The following KSR2 variants were observed in gnomAD, a reference collection of about 807,000 sequenced individuals.
KSR2 encodes the protein kinase suppressor of ras 2.
In KSR2, 25 loss-of-function variants were observed where a neutral mutation model predicts 107.8. That is an observed-to-expected ratio of 0.23 (90% confidence interval 0.17 to 0.32). The LOEUF (loss-of-function observed/expected upper bound fraction) is 0.32, where lower values mean the gene tolerates loss of function less well. KSR2 is among the 10% of genes least tolerant of loss of function. KSR2 has a pLI of 1.00. For synonymous variants in KSR2, 480 were observed against 507.0 expected, an observed-to-expected ratio of 0.95 and a Z score of 0.71; for missense variants, 887 against 1,268.9, an observed-to-expected ratio of 0.70 and a Z score of 4.57.
Position 117,617,640 on chromosome 12 carries a change from T to G in KSR2, c.1172-35281A>C, listed in dbSNP as rs144835750. Among the ~76,000 whole-genome samples, 9 of 152,108 alleles carry G rather than the reference T, an allele frequency of 5.9e-5. No homozygotes were observed. In the East Asian group the frequency reaches 1.5e-3, roughly 26 times the overall value. ...GCAATTTATATGAAATTCCAGAAAA[T>G]GTAAAGTAATCTATAGTGATAGAAG... On this transcript the variant is annotated intron_variant, in intron 5 of 19. Transcript: ENST00000339824.
chr12:117,862,334 C>A (rs1235049248), intron 1 of KSR2, among the ~76,000 whole-genome samples: 1 of 151,912 alleles, frequency 6.6e-6, no homozygotes, highest in Non-Finnish European at 1.5e-5. Context: ...CACAGTCAAC[C>A]AACATTTATC....
chr12:117,713,946 G>T (rs1886885266), intron 4 of KSR2, among the ~76,000 whole-genome samples: 1 of 152,172 alleles, frequency 6.6e-6, no homozygotes, highest in Admixed American at 6.5e-5. Flanking sequence ...CACCTGTGAG[G>T]TTTGGGGACT....
At chr12:117,697,471 T>C (rs1168285856) in intron 4 of KSR2, among the ~76,000 whole-genome samples, 6 of 152,204 alleles carry the variant, frequency 3.9e-5, no homozygotes, top group Admixed American at 6.5e-5. Flanking sequence ...TGCCAGGCGC[T>C]GTGGCCCATG....
At chr12:117,515,964 CAG>C (rs1874346747) in intron 14 of KSR2, among the ~76,000 whole-genome samples, 1 of 152,146 alleles carries the variant, frequency 6.6e-6, no homozygotes, top group Non-Finnish European at 1.5e-5. Flanking sequence ...TAGGAGGAGA[CAG>C]AGATGGGAGA....
At chr12:117,793,042 G>A (rs1032231366) in intron 3 of KSR2, among the ~76,000 whole-genome samples, 1 of 124,920 alleles carries the variant, frequency 8.0e-6, no homozygotes, top group African/African-American at 3.2e-5. Context: ...ATGCACACAC[G>A]CTCACATCAA....
At chr12:117,883,485 A>T (rs1402352097) in intron 1 of KSR2, among the ~76,000 whole-genome samples, 4 of 152,136 alleles carry the variant, frequency 2.6e-5, no homozygotes, top group South Asian at 2.1e-4. Context: ...CTTCTATTTG[A>T]TAAGTGCTAT....
intron 5 of KSR2, among the ~76,000 whole-genome samples, chr12:117,631,789 A>G (rs1321329196): frequency 6.6e-6 from 1 of 152,214 alleles, no homozygotes; most frequent in African/African-American, 2.4e-5. Flanking sequence ...ATAATACACA[A>G]AAAGTACTTT....
chr12:117,713,693 T>G lies in KSR2; in HGVS notation c.987-46035A>C, dbSNP rs1186430076. On this transcript the variant is annotated intron_variant, in intron 4 of 19. Transcript: ENST00000339824. Reference sequence around the variant, plus strand: ...ACAGAACAGGACAGGAAAGAAAAAGTCCTTCAAGCCTCCAAAATTCTGTCC... The same window carrying G: ...ACAGAACAGGACAGGAAAGAAAAAGGCCTTCAAGCCTCCAAAATTCTGTCC... Among the ~76,000 whole-genome samples the G allele has an allele frequency of 3.9e-5, 6 of 152,210 alleles. No homozygotes were observed. The East Asian group carries it at 1.2e-3, about 29-fold the overall frequency.
At chr12:117,687,572 G>A (rs1348551528) in intron 4 of KSR2, among the ~76,000 whole-genome samples, 5 of 152,228 alleles carry the variant, frequency 3.3e-5, no homozygotes, top group East Asian at 1.9e-4. Context: ...CTGCTCAGCC[G>A]GACTCAGGCA....
At chr12:117,467,452 G>A (rs1168653085) in intron 19 of KSR2, among the ~76,000 whole-genome samples, 1 of 152,250 alleles carries the variant, frequency 6.6e-6, no homozygotes, top group African/African-American at 2.4e-5. Flanking sequence ...TTTCAAAGAT[G>A]AAAATAATCA....
chr12:117,798,709 C>CAAAAA (rs749755380), intron 3 of KSR2, among the ~76,000 whole-genome samples: 26 of 117,098 alleles, frequency 2.2e-4, no homozygotes, highest in Non-Finnish European at 3.1e-4. Context: ...GCAAAAAGTC[C>CAAAAA]AAAAAAAAAA....
intron 5 of KSR2, among the ~76,000 whole-genome samples, chr12:117,632,218 CTTTTTT>C (rs544594793): frequency 2.4e-5 from 2 of 84,026 alleles, no homozygotes; most frequent in East Asian, 3.6e-4. Flanking sequence ...AGTCCTACTC[CTTTTTT>C]TTTTTTTTTT....
intron 3 of KSR2, among the ~76,000 whole-genome samples, chr12:117,788,012 T>C (rs765012300): frequency 6.6e-6 from 1 of 152,206 alleles, no homozygotes; most frequent in South Asian, 2.1e-4. Flanking sequence ...TCAGACCATG[T>C]CTATGGGATG....
At chr12:117,639,243 T>C (rs1883245769) in intron 5 of KSR2, among the ~76,000 whole-genome samples, 1 of 152,088 alleles carries the variant, frequency 6.6e-6, no homozygotes, top group Admixed American at 6.6e-5. Flanking sequence ...AGTATACATA[T>C]TAATAGATTA....
chr12:117,701,341 C>A (rs1269299237), intron 4 of KSR2, among the ~76,000 whole-genome samples: 1 of 152,188 alleles, frequency 6.6e-6, no homozygotes, highest in Non-Finnish European at 1.5e-5. Context: ...GATCTGCCTG[C>A]CTCAGACTCG....
intron 12 of KSR2, 131 bp downstream of exon 12, chr12:117,530,810 T>C: frequency 1.3e-6 from 1 of 772,512 alleles, no homozygotes; most frequent in South Asian, 1.7e-5. Context: ...CTGACCCCCT[T>C]GTACATCTCC....
At chr12:117,615,737 G>C (rs1881842526) in intron 5 of KSR2, among the ~76,000 whole-genome samples, 1 of 152,184 alleles carries the variant, frequency 6.6e-6, no homozygotes, top group Non-Finnish European at 1.5e-5. Context: ...GCGACATACT[G>C]ACTGGATATG....
intron 4 of KSR2, among the ~76,000 whole-genome samples, chr12:117,713,608 T>C (rs904038049): frequency 6.6e-6 from 1 of 151,684 alleles, no homozygotes; most frequent in Admixed American, 6.5e-5. Flanking sequence ...CCAGCACAGA[T>C]TACTTTTATA....
chr12:117,597,836 T>C (rs79992505), intron 5 of KSR2, among the ~76,000 whole-genome samples: 1,942 of 152,310 alleles, frequency 0.013, 40 homozygotes, highest in African/African-American at 0.044. Context: ...TAAATGGACA[T>C]TTATTTATCA....
Sources: gnomAD v4.1 joint callset for allele counts (sites outside exome capture counted in the v4.1 genomes callset) on GRCh38, gnomAD v4.1.1 for gene constraint, MANE v1.5 for transcripts, NCBI Gene and HGNC (gene_info 2026-07-23, HGNC 2026-07-21) for gene names.